LIMS1: variants seen among roughly 807,000 people sequenced by gnomAD.
LIMS1 encodes the protein LIM zinc finger domain containing 1.
LIMS1 carries 18 observed loss-of-function variants against 44.1 expected under a neutral mutation model. The ratio of observed to expected loss-of-function variants is 0.41; its 90% CI spans 0.28 to 0.61. The LOEUF (loss-of-function observed/expected upper bound fraction) is 0.61, where lower values mean the gene tolerates loss of function less well. Among genes scored for constraint, LIMS1 ranks in the 20% least tolerant of loss-of-function variants. The pLI, the probability that LIMS1 is intolerant of heterozygous loss-of-function variation, is 0.32. For synonymous variants in LIMS1, 93 were observed against 149.1 expected (o/e 0.62, Z 2.74); for missense variants, 201 against 422.0 (o/e 0.48, Z 4.59).
intron 1 of LIMS1, among the ~76,000 whole-genome samples, chr2:108,633,633 G>A (rs541555298): frequency 6.6e-5 from 10 of 152,288 alleles, no homozygotes; most frequent in Middle Eastern, 3.4e-3. Flanking sequence ...CCATAAAAGA[G>A]ATTGTTCTGT....
chr2:108,650,109 A>G (rs1690362457), intron 1 of LIMS1, among the ~76,000 whole-genome samples: 1 of 152,208 alleles, frequency 6.6e-6, no homozygotes, highest in Non-Finnish European at 1.5e-5. Flanking sequence ...ATTTTCAAAC[A>G]ACAGCCTCCC....
chr2:108,667,551 A>AATATATAT (rs1553469852), intron 2 of LIMS1, among the ~76,000 whole-genome samples: 140 of 130,458 alleles, frequency 1.1e-3, no homozygotes, highest in African/African-American at 1.8e-3. Flanking sequence ...AAAAAAAAAA[A>AATATATAT]ATATATATAT....
At chr2:108,669,689 T>C (rs1177167595) in intron 2 of LIMS1, among the ~76,000 whole-genome samples, 3 of 151,446 alleles carry the variant, frequency 2.0e-5, no homozygotes, top group Non-Finnish European at 4.4e-5. Flanking sequence ...CACAAGTTAG[T>C]AATGTGAAAA....
intron 1 of LIMS1, among the ~76,000 whole-genome samples, chr2:108,537,498 A>G (rs754478577): frequency 3.9e-5 from 6 of 152,246 alleles, no homozygotes; most frequent in African/African-American, 1.4e-4. Context: ...ATTTTCCCTG[A>G]TAAGAAAATG....
intron 1 of LIMS1, among the ~76,000 whole-genome samples, chr2:108,605,436 AC>A (rs1459085962): frequency 6.6e-6 from 1 of 152,348 alleles, no homozygotes; most frequent in East Asian, 1.9e-4. Flanking sequence ...TTAGAAACCT[AC>A]ATGTGTCAAG....
chr2:108,616,078 G>C (rs1472371918), intron 1 of LIMS1, among the ~76,000 whole-genome samples: 1 of 151,158 alleles, frequency 6.6e-6, no homozygotes, highest in Non-Finnish European at 1.5e-5. Context: ...TTTGCATATT[G>C]TATCAGTGGC....
At chr2:108,649,964 T>C (rs1212131423) in intron 1 of LIMS1, among the ~76,000 whole-genome samples, 5 of 152,092 alleles carry the variant, frequency 3.3e-5, no homozygotes, top group African/African-American at 1.2e-4. Flanking sequence ...GAACTTGAAG[T>C]ATAATAAAAT....
chr2:108,666,208 C>T (rs140358252), intron 2 of LIMS1, among the ~76,000 whole-genome samples: 2,752 of 152,340 alleles, frequency 0.018, 38 homozygotes, highest in Non-Finnish European at 0.025. Context: ...TTCTGGCTGA[C>T]ATGCTCTGTA....
At chr2:108,594,825 T>C in intron 1 of LIMS1, among the ~76,000 whole-genome samples, 1 of 152,168 alleles carries the variant, frequency 6.6e-6, no homozygotes, top group East Asian at 1.9e-4. Context: ...CCATCTGAAT[T>C]CAGACTAGCC....
At chr2:108,601,074 A>C (rs1478990424) in intron 1 of LIMS1, among the ~76,000 whole-genome samples, 3 of 152,170 alleles carry the variant, frequency 2.0e-5, no homozygotes, top group African/African-American at 7.2e-5. Flanking sequence ...AGCTGGGATT[A>C]CAGGCACCCG....
chr2:108,611,004 G>A (rs796175283), intron 1 of LIMS1, among the ~76,000 whole-genome samples: 15 of 152,156 alleles, frequency 9.9e-5, no homozygotes, highest in African/African-American at 3.4e-4. Flanking sequence ...TCAATCAGTC[G>A]AGGATACCAC....
intron 1 of LIMS1, among the ~76,000 whole-genome samples, chr2:108,580,822 G>A (rs1321435401): frequency 1.3e-5 from 2 of 152,146 alleles, no homozygotes; most frequent in Admixed American, 1.3e-4. Context: ...GGAGGGGGAT[G>A]GGGCTTTCAT....
chr2:108,675,071 G>C (rs143358221), intron 5 of LIMS1, among the ~76,000 whole-genome samples: 1 of 152,040 alleles, frequency 6.6e-6, no homozygotes, highest in Non-Finnish European at 1.5e-5. Flanking sequence ...ATTTTCAACA[G>C]CTTGTGACAA....
Position 108,539,553 on chromosome 2 carries a change from T to G in LIMS1, c.32+4959T>G, listed in dbSNP as rs536493491. Among the ~76,000 whole-genome samples, 14 of 152,312 alleles carry G rather than the reference T, an allele frequency of 9.2e-5. No homozygotes were observed. The East Asian group carries it at 1.2e-3, about 13-fold the overall frequency. Reference sequence around the variant, plus strand: ...AAATAATCCCACCTGTCTCAGAGGTTGTTGTGATAACTAAATATGAAGGCA... The same window carrying G: ...AAATAATCCCACCTGTCTCAGAGGTGGTTGTGATAACTAAATATGAAGGCA... On this transcript the variant is annotated intron_variant, in intron 1 of 9. Coordinates refer to ENST00000544547, the Ensembl canonical transcript of LIMS1.
At chr2:108,543,229 A>G (rs1684370256) in intron 1 of LIMS1, among the ~76,000 whole-genome samples, 1 of 152,132 alleles carries the variant, frequency 6.6e-6, no homozygotes, top group Non-Finnish European at 1.5e-5. Flanking sequence ...CCAGGAGTTC[A>G]AGATGAGCCT....
chr2:108,557,266 G>A (rs550664418), intron 1 of LIMS1, among the ~76,000 whole-genome samples: 15 of 152,088 alleles, frequency 9.9e-5, no homozygotes, highest in Admixed American at 3.3e-4. Context: ...TTGTAGAGAC[G>A]GTGTCTCTCT....
intron 1 of LIMS1, chr2:108,621,539 A>G (rs1688241625): frequency 4.8e-6 from 5 of 1,037,950 alleles, no homozygotes; most frequent in African/African-American, 1.6e-5. Flanking sequence ...GCCTAAGTGG[A>G]TGCAGCGTTG....
At chr2:108,585,138 A>AT (rs1411920128) in intron 1 of LIMS1, among the ~76,000 whole-genome samples, 1 of 130,784 alleles carries the variant, frequency 7.6e-6, no homozygotes, top group Non-Finnish European at 1.6e-5. Flanking sequence ...GCAACAGAGC[A>AT]TGACTCCGTC....
chr2:108,620,113 T>C (rs1688156480), intron 1 of LIMS1, among the ~76,000 whole-genome samples: 1 of 152,208 alleles, frequency 6.6e-6, no homozygotes, highest in South Asian at 2.1e-4. Context: ...TAACAAATGG[T>C]AGCCCTCAGG....
Sources: allele counts gnomAD v4.1 joint callset (sites outside exome capture counted in the v4.1 genomes callset), GRCh38; gene constraint gnomAD v4.1.1; transcripts MANE v1.5; gene names NCBI Gene and HGNC (gene_info 2026-07-23, HGNC 2026-07-21).